Variants in CTNND2 observed in about 807,000 individuals in gnomAD.
The protein encoded by CTNND2 is catenin delta 2.
In CTNND2, 22 loss-of-function variants were observed where a neutral mutation model predicts 144.4. The observed-to-expected ratio is 0.15, with a 90% CI of 0.11 to 0.22. The LOEUF (loss-of-function observed/expected upper bound fraction) is 0.22, where lower values mean the gene tolerates loss of function less well. Ranked by LOEUF, CTNND2 falls within the 10% of genes least tolerant of loss-of-function variation. The probability of loss-of-function intolerance (pLI) is 1.00; values close to 1 mark genes in which losing one functional copy is unlikely to be tolerated. For synonymous variants in CTNND2, 751 were observed against 695.6 expected (o/e 1.08, Z -1.25); for missense variants, 1,353 against 1,618.8 (o/e 0.84, Z 2.82).
At chr5:11,866,523 G>A (rs1795777238) in intron 1 of CTNND2, among the ~76,000 whole-genome samples, 1 of 152,102 alleles carries the variant, frequency 6.6e-6, no homozygotes. Context: ...AAAATTAGGA[G>A]GTCCCCACTG....
intron 3 of CTNND2, among the ~76,000 whole-genome samples, chr5:11,556,241 T>C (rs1462072729): frequency 4.6e-5 from 7 of 152,174 alleles, no homozygotes; most frequent in African/African-American, 7.2e-5. Flanking sequence ...CCTATGGCTA[T>C]GGTTGGTAAA....
At chr5:11,268,888 C>T (rs1344813540) in intron 9 of CTNND2, among the ~76,000 whole-genome samples, 1 of 152,128 alleles carries the variant, frequency 6.6e-6, no homozygotes, top group Non-Finnish European at 1.5e-5. Context: ...TAAACTCTGC[C>T]ACTGTTGCAA....
At chr5:11,808,951 G>A (rs548639246) in intron 1 of CTNND2, among the ~76,000 whole-genome samples, 24 of 152,290 alleles carry the variant, frequency 1.6e-4, no homozygotes, top group African/African-American at 5.5e-4. Flanking sequence ...AACTCCAGCT[G>A]GAATGGAAAG....
intron 9 of CTNND2, among the ~76,000 whole-genome samples, chr5:11,338,225 C>T (rs1580948713): frequency 6.6e-6 from 1 of 152,292 alleles, no homozygotes; most frequent in Non-Finnish European, 1.5e-5. Flanking sequence ...TATATGTTGG[C>T]TCTAGCTAGC....
At chr5:11,390,362 G>A (rs1024182517) in intron 6 of CTNND2, among the ~76,000 whole-genome samples, 1 of 152,150 alleles carries the variant, frequency 6.6e-6, no homozygotes, top group Non-Finnish European at 1.5e-5. Context: ...GAGGGAGTAG[G>A]AATGGCAGAG....
At chr5:11,047,486 G>A (rs145421364) in intron 16 of CTNND2, among the ~76,000 whole-genome samples, 1 of 152,280 alleles carries the variant, frequency 6.6e-6, no homozygotes, top group African/African-American at 2.4e-5. Context: ...CAGGATATGT[G>A]TATATTTAGG....
intron 1 of CTNND2, among the ~76,000 whole-genome samples, chr5:11,804,726 G>T (rs894105857): frequency 6.6e-6 from 1 of 152,120 alleles, no homozygotes; most frequent in Non-Finnish European, 1.5e-5. Flanking sequence ...GGGTTGAAGA[G>T]GTGAAACACA....
At chr5:11,526,276 C>T (rs928612325) in intron 3 of CTNND2, among the ~76,000 whole-genome samples, 10 of 152,196 alleles carry the variant, frequency 6.6e-5, no homozygotes, top group South Asian at 2.1e-4. Flanking sequence ...ATATTAGAAG[C>T]GTTTTGGTCT....
chr5:11,610,315 A>AG (rs1213947911), intron 2 of CTNND2, among the ~76,000 whole-genome samples: 1 of 152,222 alleles, frequency 6.6e-6, no homozygotes. Flanking sequence ...CATACACTGT[A>AG]GCTTGAAATA....
At chr5:11,698,532 CT>C (rs1785246660) in intron 2 of CTNND2, among the ~76,000 whole-genome samples, 1 of 152,138 alleles carries the variant, frequency 6.6e-6, no homozygotes. Context: ...CGTGATCCCC[CT>C]GCCTCAGCCT....
chr5:11,776,303 C>A (rs953078338), intron 1 of CTNND2, among the ~76,000 whole-genome samples: 20 of 152,092 alleles, frequency 1.3e-4, no homozygotes, highest in African/African-American at 4.6e-4. Context: ...GTGAGTGAGA[C>A]AAAGGACGCT....
chr5:11,835,966 C>T (rs569322763), intron 1 of CTNND2, among the ~76,000 whole-genome samples: 1 of 152,194 alleles, frequency 6.6e-6, no homozygotes, highest in East Asian at 1.9e-4. Context: ...CTATACATTC[C>T]CCTTTCAGCA....
At chr5:11,860,950 T>TA (rs1035689813) in intron 1 of CTNND2, among the ~76,000 whole-genome samples, 16 of 152,318 alleles carry the variant, frequency 1.1e-4, no homozygotes, top group Admixed American at 1.0e-3. Context: ...AAAAGGTAAA[T>TA]AATGTTTTCA....
chr5:11,617,790 G>C (rs1327204585), intron 2 of CTNND2, among the ~76,000 whole-genome samples: 1 of 152,166 alleles, frequency 6.6e-6, no homozygotes, highest in Non-Finnish European at 1.5e-5. Flanking sequence ...ACTTATATGT[G>C]AATTCACATT....
At chr5:11,096,679 C>T (rs1309214536) in intron 15 of CTNND2, among the ~76,000 whole-genome samples, 2 of 152,048 alleles carry the variant, frequency 1.3e-5, no homozygotes, top group Non-Finnish European at 2.9e-5. Flanking sequence ...TATTTCTCCA[C>T]TTTTAAGTTG....
At chr5:11,154,242 C>T (rs563959519) in intron 12 of CTNND2, among the ~76,000 whole-genome samples, 2 of 152,282 alleles carry the variant, frequency 1.3e-5, no homozygotes, top group Admixed American at 6.5e-5. Flanking sequence ...GAAGCTAGTT[C>T]AATGTCGGGA....
chr5:11,268,250 A>G (rs1745653347), intron 9 of CTNND2, among the ~76,000 whole-genome samples: 1 of 152,194 alleles, frequency 6.6e-6, no homozygotes, highest in African/African-American at 2.4e-5. Flanking sequence ...TAGTAATTTC[A>G]GTAAGGTATC....
At chr5:11,859,910 T>C (rs1303841468) in intron 1 of CTNND2, among the ~76,000 whole-genome samples, 1 of 152,178 alleles carries the variant, frequency 6.6e-6, no homozygotes, top group Non-Finnish European at 1.5e-5. Flanking sequence ...AAGCACACTC[T>C]AGGGACTACC....
intron 14 of CTNND2, among the ~76,000 whole-genome samples, chr5:11,110,193 T>C (rs13152969): frequency 0.071 from 10,837 of 152,134 alleles, 517 homozygotes; most frequent in Non-Finnish European, 0.099. Flanking sequence ...GGGTTGTGAG[T>C]TGCTGCCTAG....
Sources: allele counts gnomAD v4.1 joint callset (sites outside exome capture counted in the v4.1 genomes callset), GRCh38; gene constraint gnomAD v4.1.1; transcripts MANE v1.5; gene names NCBI Gene and HGNC (gene_info 2026-07-23, HGNC 2026-07-21).